Variants in SMAD6 observed in about 807,000 individuals in gnomAD.
SMAD6 encodes the protein MAD homolog 6.
In SMAD6, 103 loss-of-function variants were observed where a neutral mutation model predicts 39.4. The ratio of observed to expected loss-of-function variants is 2.62; its 90% confidence interval spans 2.23 to 3.08. SMAD6 has a LOEUF of 3.08. Among genes scored for constraint, SMAD6 ranks in the 30% most tolerant of loss-of-function variants. SMAD6 has a pLI of 0.00. For missense variants in SMAD6, 1,104 were observed against 742.9 expected, an observed-to-expected ratio of 1.49 and a Z score of -5.65; for synonymous variants, 445 against 353.3, an observed-to-expected ratio of 1.26 and a Z score of -2.91.
chr15:66,757,878 G>A (rs1218625645), intron 3 of SMAD6, among the ~76,000 whole-genome samples: 1 of 152,220 alleles, frequency 6.6e-6, no homozygotes, highest in Non-Finnish European at 1.5e-5. Flanking sequence ...AGACGTGGTG[G>A]TGGTGGCCTG....
Position 66,781,345 on chromosome 15 carries a change from A to G in SMAD6, c.1301A>G (p.Tyr434Cys), listed in dbSNP as rs1894567462. The change falls in exon 4 of 4, where the codon TAC becomes TGC. Residue 434 changes from tyrosine (Y) to cysteine (C), a missense_variant. Physicochemically the swap from Tyr to Cys is radical, Grantham distance 194. Coordinates refer to ENST00000288840, the MANE Select transcript of SMAD6 (RefSeq NM_005585.5). ...GTCGTGCGCAAGGTGCCCCCCGGCT[A>G]CTCCATCAAGGTGTTCGACTTCGAG... ...ALVVRKVPPGYSIKVFDFERS... is the reference protein window; with the variant it reads ...ALVVRKVPPGCSIKVFDFERS... The G allele has an allele frequency of 1.9e-6, 3 of 1,597,818 alleles. No individual in the cohort carries two copies. The highest frequency in any genetic ancestry group is 2.6e-6 in the Non-Finnish European group (3 of 1,173,944).
chr15:66,775,877 G>C (rs1894458403), intron 3 of SMAD6, among the ~76,000 whole-genome samples: 1 of 152,116 alleles, frequency 6.6e-6, no homozygotes, highest in South Asian at 2.1e-4. Context: ...CCTCACCTGA[G>C]TGGCAGCCCA....
intron 1 of SMAD6, among the ~76,000 whole-genome samples, chr15:66,709,405 C>T (rs764849634): frequency 1.2e-4 from 18 of 152,180 alleles, no homozygotes; most frequent in Non-Finnish European, 1.9e-4. Flanking sequence ...ACTCAAGGCC[C>T]AGGTAGCTCT....
intron 3 of SMAD6, among the ~76,000 whole-genome samples, chr15:66,742,219 C>G (rs757146726): frequency 5.3e-5 from 8 of 152,192 alleles, no homozygotes; most frequent in Non-Finnish European, 1.0e-4. Flanking sequence ...GGAGAAGCCC[C>G]TCTCCCCTTT....
At chr15:66,734,981 C>T (rs1024719868) in intron 3 of SMAD6, among the ~76,000 whole-genome samples, 7 of 152,356 alleles carry the variant, frequency 4.6e-5, no homozygotes, top group Admixed American at 2.6e-4. Context: ...TGTCTCCCAG[C>T]AGGTAGGACC....
chr15:66,738,662 A>G (rs1024085608), intron 3 of SMAD6, among the ~76,000 whole-genome samples: 1 of 152,078 alleles, frequency 6.6e-6, no homozygotes, highest in African/African-American at 2.4e-5. Context: ...CCAAATGTCT[A>G]CGAATAACCC....
intron 3 of SMAD6, among the ~76,000 whole-genome samples, chr15:66,746,439 C>T (rs1034655628): frequency 1.3e-5 from 2 of 152,136 alleles, no homozygotes; most frequent in Non-Finnish European, 2.9e-5. Flanking sequence ...TCCTCAAGGA[C>T]CCTGACTTCA....
chr15:66,724,914 CAG>C (rs918915539), intron 3 of SMAD6, among the ~76,000 whole-genome samples: 2 of 152,150 alleles, frequency 1.3e-5, no homozygotes, highest in Non-Finnish European at 2.9e-5. Flanking sequence ...CCTGCATCAT[CAG>C]GGGAACCGGC....
intron 3 of SMAD6, among the ~76,000 whole-genome samples, chr15:66,767,843 T>C (rs1314641283): frequency 1.3e-5 from 2 of 152,040 alleles, no homozygotes; most frequent in African/African-American, 4.8e-5. Flanking sequence ...GAGGTGTGGA[T>C]CATGTATTTT....
intron 3 of SMAD6, among the ~76,000 whole-genome samples, chr15:66,768,949 C>A (rs999413864): frequency 1.3e-5 from 2 of 152,190 alleles, no homozygotes; most frequent in African/African-American, 4.8e-5. Flanking sequence ...ACGTACCCTT[C>A]TGTTGACAGC....
At position 66,736,871 on chromosome 15, in the gene SMAD6, T is replaced by C. The variant is rs559708172; in HGVS notation, c.952+20373T>C. Among the ~76,000 whole-genome samples the C allele has an allele frequency of 4.6e-5, 7 of 152,294 alleles. No individual in the cohort carries two copies. The East Asian group carries it at 5.8e-4, about 13-fold the overall frequency. ...TTTTAGTAGAGACGGGGTTTCACCA[T>C]GTTGGCCAGGATGGTCTCAATCTCT... On this transcript the variant is annotated intron_variant, in intron 3 of 3. Coordinates refer to ENST00000288840, the MANE Select transcript of SMAD6 (RefSeq NM_005585.5).
chr15:66,741,831 G>A (rs1893820717), intron 3 of SMAD6, among the ~76,000 whole-genome samples: 1 of 151,948 alleles, frequency 6.6e-6, no homozygotes, highest in Admixed American at 6.6e-5. Context: ...CGGTCCCTCC[G>A]GGCAGCCCTA....
intron 3 of SMAD6, among the ~76,000 whole-genome samples, chr15:66,725,937 C>G (rs1893513775): frequency 6.6e-6 from 1 of 152,190 alleles, no homozygotes; most frequent in African/African-American, 2.4e-5. Context: ...CCCCCACCTG[C>G]CACCCCTTCA....
chr15:66,758,104 G>A lies in SMAD6; in HGVS notation c.953-22893G>A, dbSNP rs1278734240. 2.0e-5 allele frequency among the ~76,000 whole-genome samples: 3 copies of A among 152,174 alleles called. No homozygotes were observed. In the East Asian group the frequency reaches 5.8e-4, roughly 29 times the overall value. ...GACGCAGTGGCAGGAAAGTGTGACT[G>A]GAACTTTTGCTGACCTGAGAATTAA... On this transcript the variant is annotated intron_variant, in intron 3 of 3. Transcript: ENST00000288840.
At position 66,733,579 on chromosome 15, in the gene SMAD6, C is replaced by A. The variant is rs116770406; in HGVS notation, c.952+17081C>A. On this transcript the variant is annotated intron_variant, in intron 3 of 3. Transcript: ENST00000288840. ...GTAAATGTTACTTTTAAACATTCTC[C>A]AGTTATTTATTGCTAGTGTATAGAA... Among the ~76,000 whole-genome samples, 703 of 152,200 alleles carry A rather than the reference C, an allele frequency of 4.6e-3. 3 individuals carry two copies. Among genetic ancestry groups the A allele is most frequent in the African/African-American group, 0.016 (668 of 41,530 alleles).
chr15:66,771,741 G>C (rs1389121596), intron 3 of SMAD6, among the ~76,000 whole-genome samples: 2 of 152,196 alleles, frequency 1.3e-5, no homozygotes, highest in Admixed American at 6.5e-5. Context: ...AGTTCAAAAA[G>C]GATCATGAAT....
chr15:66,730,794 A>G (rs1893614052), intron 3 of SMAD6, among the ~76,000 whole-genome samples: 1 of 152,206 alleles, frequency 6.6e-6, no homozygotes, highest in South Asian at 2.1e-4. Context: ...ATAGATGAAA[A>G]AACTGAGGCT....
At chr15:66,709,462 C>T (rs139622502) in intron 1 of SMAD6, among the ~76,000 whole-genome samples, 54 of 152,262 alleles carry the variant, frequency 3.5e-4, no homozygotes, top group Non-Finnish European at 6.5e-4. Context: ...CCTTTTGAGT[C>T]CCAGGTAAGC....
intron 3 of SMAD6, among the ~76,000 whole-genome samples, chr15:66,735,221 G>A (rs1893692837): frequency 6.6e-6 from 1 of 152,254 alleles, no homozygotes; most frequent in Non-Finnish European, 1.5e-5. Flanking sequence ...CCATAGTCCA[G>A]GGCTGGGTGG....
Sources: gnomAD v4.1 joint callset for allele counts (sites outside exome capture counted in the v4.1 genomes callset) on GRCh38, gnomAD v4.1.1 for gene constraint, MANE v1.5 for transcripts, NCBI Gene and HGNC (gene_info 2026-07-23, HGNC 2026-07-21) for gene names.